Variants in PRCC observed in about 807,000 individuals in gnomAD.
The protein encoded by PRCC is proline rich mitotic checkpoint control factor.
In PRCC, 10 loss-of-function variants were observed where a neutral mutation model predicts 44.0. The observed-to-expected ratio is 0.23, with a 90% CI of 0.14 to 0.39. PRCC has a LOEUF of 0.39. PRCC is among the 10% of genes least tolerant of loss of function. The pLI is 1.00. For synonymous variants in PRCC, 278 were observed against 259.5 expected, an observed-to-expected ratio of 1.07 and a Z score of -0.69; for missense variants, 573 against 624.7, an observed-to-expected ratio of 0.92 and a Z score of 0.88.
chr1:156,800,506 G>T lies in PRCC; in HGVS notation c.*46G>T. The T allele has an allele frequency of 6.2e-7, 1 of 1,603,288 alleles. No homozygotes were observed. Among genetic ancestry groups the T allele is most frequent in the Non-Finnish European group, 8.5e-7 (1 of 1,170,712 alleles). ...CCAGGATCTCCTGCCAGCCCAGCTGGCCTGGCCCCCAGCTTCACCTCTGGG... is the reference window on the plus strand; with the variant it reads ...CCAGGATCTCCTGCCAGCCCAGCTGTCCTGGCCCCCAGCTTCACCTCTGGG... On this transcript the variant is annotated 3_prime_UTR_variant, in exon 7 of 7. Transcript: ENST00000271526.
chr1:156,776,367 G>A (rs1430092422), intron 1 of PRCC, among the ~76,000 whole-genome samples: 2 of 152,148 alleles, frequency 1.3e-5, no homozygotes, highest in East Asian at 1.9e-4. Context: ...GCAAGACCAT[G>A]TCTCAAGGGA....
intron 2 of PRCC, among the ~76,000 whole-genome samples, chr1:156,783,370 C>T (rs2102762412): frequency 6.6e-6 from 1 of 152,332 alleles, no homozygotes; most frequent in African/African-American, 2.4e-5. Context: ...TCTTCCCATT[C>T]CTTCCACACT....
Position 156,797,347 on chromosome 1 carries a change from A to C in PRCC, c.1389+6A>C. The C allele has an allele frequency of 1.2e-6, 2 of 1,614,104 alleles. No homozygotes were observed. The highest frequency in any genetic ancestry group is 8.5e-7 in the Non-Finnish European group (1 of 1,179,940). ...TCACATATCTTATTCATCAGGTGAG[A>C]GACAGCTGAGGGCTCTGGCTCAGGC... On this transcript the variant is annotated splice_donor_region_variant and intron_variant, in intron 6 of 6. Coordinates refer to ENST00000271526, the MANE Select transcript of PRCC (RefSeq NM_005973.5).
At chr1:156,793,091 G>T (rs1382831943) in intron 4 of PRCC, among the ~76,000 whole-genome samples, 2 of 152,320 alleles carry the variant, frequency 1.3e-5, no homozygotes, top group Non-Finnish European at 2.9e-5. Flanking sequence ...CACCATGGAG[G>T]TTCTTATAAA....
chr1:156,791,205 G>T, intron 3 of PRCC: 1 of 1,304,728 alleles, frequency 7.7e-7, no homozygotes, highest in Non-Finnish European at 1.0e-6. Context: ...TTAAATCAGA[G>T]ATCTATAACC....
intron 6 of PRCC, among the ~76,000 whole-genome samples, chr1:156,798,446 C>T (rs1332546232): frequency 6.6e-6 from 1 of 152,164 alleles, no homozygotes; most frequent in Non-Finnish European, 1.5e-5. Context: ...CAGCTGCAGA[C>T]CCCAGTCTAC....
chr1:156,783,315 CT>C (rs1279715046), intron 2 of PRCC, among the ~76,000 whole-genome samples: 1 of 152,214 alleles, frequency 6.6e-6, no homozygotes. Context: ...CTGTTTGCTT[CT>C]GTTTCCCCTC....
chr1:156,767,708 G>A lies in PRCC; in HGVS notation c.-64G>A. The A allele has an allele frequency of 6.7e-7, 1 of 1,482,386 alleles. No homozygotes were observed. The allele number at this position is 1,482,386 out of a possible 1,614,324, so 91.8% of individuals were successfully genotyped here. A position where few individuals can be genotyped will look rare whatever the true frequency, so the allele number is the denominator to read the frequency against. On this transcript the variant is annotated 5_prime_UTR_variant, in exon 1 of 7. Transcript: ENST00000271526. ...AGGTGGCGGGGCCTACTAGGCCTCCGGGCATCCCCGGTCTCAAGTAGGCCT... is the reference window on the plus strand; with the variant it reads ...AGGTGGCGGGGCCTACTAGGCCTCCAGGCATCCCCGGTCTCAAGTAGGCCT...
chr1:156,774,157 C>CTT (rs76271348), intron 1 of PRCC, among the ~76,000 whole-genome samples: 734 of 53,942 alleles, frequency 0.014, 255 homozygotes, highest in East Asian at 0.021. Context: ...TTTGAGTCAC[C>CTT]TTTTTTTTTT....
chr1:156,791,120 G>A lies in PRCC; in HGVS notation c.1084-577G>A, dbSNP rs1207926680. 2.8e-6 allele frequency: 4 copies of A among 1,419,276 alleles called. No individual in the cohort carries two copies. In the Admixed American group the frequency reaches 7.4e-5, roughly 26 times the overall value. 87.9% of individuals were successfully genotyped at this position (1,419,276 alleles called of 1,614,324 possible). A position where few individuals can be genotyped will look rare whatever the true frequency, so the allele number is the denominator to read the frequency against. ...CTCTAAGGGGAATCATGAGATTCCT[G>A]AACTCAAAATCTGGTAAACGAACCT... On this transcript the variant is annotated intron_variant, in intron 3 of 6. Coordinates refer to ENST00000271526, the MANE Select transcript of PRCC (RefSeq NM_005973.5).
chr1:156,795,083 C>T (rs1377133738), intron 5 of PRCC, among the ~76,000 whole-genome samples: 1 of 152,116 alleles, frequency 6.6e-6, no homozygotes, highest in Non-Finnish European at 1.5e-5. Flanking sequence ...GTTGTGGCTT[C>T]TTCTCAGGCT....
Position 156,767,816 on chromosome 1 carries a change from TGAGGCTGAGCCCGAGCCGGAG to T in PRCC, c.48_68del (p.Ala17_Glu23del), listed in dbSNP as rs1280542283. On this transcript the variant is annotated inframe_deletion, in exon 1 of 7. Coordinates refer to ENST00000271526, the MANE Select transcript of PRCC (RefSeq NM_005973.5). ...CCAGCAGCGATGAGAGCGAGCCGGA[TGAGGCTGAGCCCGAGCCGGAG>T]GAAGAGGAGGCGGTGGCTCCTACAT... 6.2e-7 allele frequency: 1 copy of T among 1,610,282 alleles called. No homozygotes were observed. The highest frequency in any genetic ancestry group is 1.1e-5 in the South Asian group (1 of 90,288).
At chr1:156,794,247 G>A (rs937101105) in intron 4 of PRCC, among the ~76,000 whole-genome samples, 14 of 152,090 alleles carry the variant, frequency 9.2e-5, no homozygotes, top group African/African-American at 3.1e-4. Context: ...GTGAGCCACT[G>A]TGCCTGGCCT....
intron 2 of PRCC, among the ~76,000 whole-genome samples, chr1:156,785,375 G>A (rs7554385): frequency 0.013 from 2,009 of 152,090 alleles, 28 homozygotes; most frequent in Non-Finnish European, 0.022. Context: ...CCAGGCATGC[G>A]TGGTGGTGAG....
intron 3 of PRCC, chr1:156,791,364 T>C (rs1195321987): frequency 2.1e-6 from 1 of 471,562 alleles, no homozygotes; most frequent in Non-Finnish European, 4.0e-6. Flanking sequence ...GAGGGCATGG[T>C]AGAGGTAAGA....
chr1:156,771,494 T>G (rs1238909006), intron 1 of PRCC, among the ~76,000 whole-genome samples: 1 of 152,122 alleles, frequency 6.6e-6, no homozygotes, highest in Non-Finnish European at 1.5e-5. Context: ...GGGGAAGTGA[T>G]AAGACTGGAG....
intron 1 of PRCC, among the ~76,000 whole-genome samples, chr1:156,781,101 A>G (rs184983569): frequency 2.5e-4 from 38 of 152,188 alleles, no homozygotes; most frequent in Non-Finnish European, 1.9e-4. Flanking sequence ...GAGGGCAGGT[A>G]CTTTTTTCAT....
chr1:156,786,566 T>G (rs1368352091), intron 2 of PRCC, 42 bp from the exon 3 acceptor site: 1 of 1,556,700 alleles, frequency 6.4e-7, no homozygotes, highest in African/African-American at 1.4e-5. Context: ...AAATCTCACT[T>G]GTCATCTTTC....
At chr1:156,787,895 G>C (rs1371952814) in intron 3 of PRCC, among the ~76,000 whole-genome samples, 1 of 151,444 alleles carries the variant, frequency 6.6e-6, no homozygotes, top group Non-Finnish European at 1.5e-5. Context: ...GCAGTGGCAC[G>C]ATCTTGACTC....
Sources: gnomAD v4.1 joint callset for allele counts (sites outside exome capture counted in the v4.1 genomes callset) on GRCh38, gnomAD v4.1.1 for gene constraint, MANE v1.5 for transcripts, NCBI Gene and HGNC (gene_info 2026-07-23, HGNC 2026-07-21) for gene names.